SP4: variants seen among roughly 807,000 people sequenced by gnomAD.
SP4 encodes Sp4 transcription factor.
Under a neutral mutation model 72.8 loss-of-function variants are expected in SP4, and 19 were observed. The ratio of observed to expected loss-of-function variants is 0.26; its 90% CI spans 0.18 to 0.38. SP4 has a LOEUF of 0.38. SP4 is among the 10% of genes least tolerant of loss of function. The pLI is 1.00. For missense variants in SP4, 1,008 were observed against 926.3 expected (o/e 1.09, Z -1.14); for synonymous variants, 395 against 333.1 (o/e 1.19, Z -2.02).
chr7:21,499,147 T>C (rs1781801608), intron 5 of SP4, among the ~76,000 whole-genome samples: 1 of 151,738 alleles, frequency 6.6e-6, no homozygotes, highest in African/African-American at 2.4e-5. Context: ...CTATTCATTA[T>C]GTGGAAGTGG....
At chr7:21,428,479 C>T (rs1010803351) in intron 1 of SP4, among the ~76,000 whole-genome samples, 198 bp from the exon 2 acceptor site, 1 of 152,140 alleles carries the variant, frequency 6.6e-6, no homozygotes, top group African/African-American at 2.4e-5. Flanking sequence ...GCCGATGGGT[C>T]GGGTTTCAAA....
At chr7:21,447,720 G>A (rs547353343) in intron 3 of SP4, among the ~76,000 whole-genome samples, 1 of 152,192 alleles carries the variant, frequency 6.6e-6, no homozygotes, top group Non-Finnish European at 1.5e-5. Flanking sequence ...GTCTTGCTCT[G>A]TGGTCCAGGC....
At chr7:21,435,484 T>C (rs1783019793) in intron 3 of SP4, among the ~76,000 whole-genome samples, 3 of 152,194 alleles carry the variant, frequency 2.0e-5, no homozygotes, top group Non-Finnish European at 1.5e-5. Context: ...GATCTTTTTT[T>C]CCAGAGCTAC....
chr7:21,475,383 G>T lies in SP4; in HGVS notation c.1679-1696G>T, dbSNP rs1657603670. On this transcript the variant is annotated intron_variant, in intron 3 of 5. Coordinates refer to ENST00000222584, the MANE Select transcript of SP4 (RefSeq NM_003112.5). The stretch of plus-strand genomic sequence containing the variant: ...CCTGCCTCAGCCTCCAAAAGTGCTG[G>T]GATTACAGGCCTGAGCCACCACGCC... Among the ~76,000 whole-genome samples the T allele has an allele frequency of 3.3e-5, 5 of 151,976 alleles. No homozygotes were observed. In the South Asian group the frequency reaches 1.0e-3, roughly 32 times the overall value.
At chr7:21,475,810 C>G (rs1255405004) in intron 3 of SP4, among the ~76,000 whole-genome samples, 1 of 152,126 alleles carries the variant, frequency 6.6e-6, no homozygotes, top group East Asian at 1.9e-4. Flanking sequence ...CAATTCCGTG[C>G]CAGCACTCTG....
chr7:21,452,664 C>T (rs1432264683), intron 3 of SP4, among the ~76,000 whole-genome samples: 2 of 152,146 alleles, frequency 1.3e-5, no homozygotes, highest in African/African-American at 4.8e-5. Context: ...TTTTATTGCA[C>T]TTATGCAAAT....
In SP4 at chr7:21,429,274, T is replaced by C; in HGVS notation, c.124-15T>C. On this transcript the variant is annotated splice_polypyrimidine_tract_variant and intron_variant, in intron 2 of 5. Coordinates refer to ENST00000222584, the MANE Select transcript of SP4 (RefSeq NM_003112.5). ...TTTCCCCCCCCCCTCTCCTTTACCG[T>C]CCCATTTTGGGTAGGACTCTCAGCC... 1 of 1,228,086 alleles carries C rather than the reference T, an allele frequency of 8.1e-7. No individual in the cohort carries two copies. The highest frequency in any genetic ancestry group is 1.2e-6 in the Non-Finnish European group (1 of 866,342). 76.1% of individuals were successfully genotyped at this position (1,228,086 alleles called of 1,614,324 possible). A position where few individuals can be genotyped will look rare whatever the true frequency, so the allele number is the denominator to read the frequency against.
At chr7:21,473,183 A>G (rs10234687) in intron 3 of SP4, among the ~76,000 whole-genome samples, 3,291 of 152,294 alleles carry the variant, frequency 0.022, 126 homozygotes, top group African/African-American at 0.074. Context: ...TTGGATCAAG[A>G]TGATAATCTT....
chr7:21,468,363 A>T (rs894713928), intron 3 of SP4, among the ~76,000 whole-genome samples: 1 of 152,130 alleles, frequency 6.6e-6, no homozygotes, highest in South Asian at 2.1e-4. Flanking sequence ...GAATTGACAC[A>T]TTTAGTTTAA....
intron 4 of SP4, 146 bp downstream of exon 4, chr7:21,477,453 G>C: frequency 1.6e-6 from 1 of 628,956 alleles, no homozygotes; most frequent in South Asian, 1.9e-5. Flanking sequence ...AGGGAATTAA[G>C]TTGGGCTATT....
At chr7:21,496,941 CCTT>C (rs1781723298) in intron 5 of SP4, among the ~76,000 whole-genome samples, 1 of 152,156 alleles carries the variant, frequency 6.6e-6, no homozygotes, top group Non-Finnish European at 1.5e-5. Flanking sequence ...ACGTGTGTGA[CCTT>C]CTAAACATGT....
Position 21,481,907 on chromosome 7 carries a change from GTTT to G in SP4, c.1908-14_1908-12del, listed in dbSNP as rs1784700263. On this transcript the variant is annotated splice_polypyrimidine_tract_variant and intron_variant, in intron 4 of 5. Transcript: ENST00000222584. ...TATTTGGCAGTGTAATTAATGTTCG[GTTT>G]TTGTTTTTGCTAGAGGCAGTAATGA... The G allele has an allele frequency of 6.3e-7, 1 of 1,592,620 alleles. No individual in the cohort carries two copies.
At chr7:21,439,979 A>G (rs1454911383) in intron 3 of SP4, among the ~76,000 whole-genome samples, 1 of 152,236 alleles carries the variant, frequency 6.6e-6, no homozygotes. Flanking sequence ...ATTCAGATTT[A>G]TGAAGCTTCT....
At chr7:21,504,825 C>T (rs1562630819) in intron 5 of SP4, among the ~76,000 whole-genome samples, 1 of 152,202 alleles carries the variant, frequency 6.6e-6, no homozygotes, top group Admixed American at 6.5e-5. Context: ...TTTCTACTCT[C>T]CTACCAGCAG....
chr7:21,505,536 G>T (rs1405962588), intron 5 of SP4, among the ~76,000 whole-genome samples: 1 of 152,188 alleles, frequency 6.6e-6, no homozygotes, highest in Non-Finnish European at 1.5e-5. Flanking sequence ...GGGTACTGTT[G>T]TTTTCTCCTA....
Position 21,429,754 on chromosome 7 carries a change from C to G in SP4, c.589C>G (p.Gln197Glu). 1 of 1,614,100 alleles carries G rather than the reference C, an allele frequency of 6.2e-7. No individual in the cohort carries two copies. The highest frequency in any genetic ancestry group is 8.5e-7 in the Non-Finnish European group (1 of 1,179,958). Residue 197 changes from glutamine to glutamate, a missense_variant, in exon 3 of 6, where the codon CAG (glutamine) becomes GAG (glutamate). Coordinates refer to ENST00000222584, the MANE Select transcript of SP4 (RefSeq NM_003112.5). Reference sequence around the variant, plus strand: ...TCTACAGGATTTGCAGGGTCAAATTCAGCTCATTTCTGCAGGTAATAATCA... The same window carrying G: ...TCTACAGGATTTGCAGGGTCAAATTGAGCTCATTTCTGCAGGTAATAATCA... ...SSLQDLQGQI[Q>E]LISAGNNQAI...
intron 3 of SP4, among the ~76,000 whole-genome samples, chr7:21,439,979 A>T (rs1454911383): frequency 1.3e-5 from 2 of 152,236 alleles, no homozygotes; most frequent in Non-Finnish European, 2.9e-5. Context: ...ATTCAGATTT[A>T]TGAAGCTTCT....
chr7:21,468,193 C>T (rs1050329549), intron 3 of SP4, among the ~76,000 whole-genome samples: 1 of 152,086 alleles, frequency 6.6e-6, no homozygotes, highest in African/African-American at 2.4e-5. Context: ...CTAACAGCAC[C>T]TTATTTTAAT....
intron 3 of SP4, among the ~76,000 whole-genome samples, chr7:21,452,415 A>G (rs1402409369): frequency 2.6e-5 from 4 of 152,188 alleles, no homozygotes; most frequent in African/African-American, 4.8e-5. Flanking sequence ...GAATTGGACA[A>G]ATTCCCCTTG....
Sources: gnomAD v4.1 joint callset for allele counts (sites outside exome capture counted in the v4.1 genomes callset) on GRCh38, gnomAD v4.1.1 for gene constraint, MANE v1.5 for transcripts, NCBI Gene and HGNC (gene_info 2026-07-23, HGNC 2026-07-21) for gene names.